COG5: variants seen among roughly 807,000 people sequenced by gnomAD.
COG5 encodes component of oligomeric golgi complex 5.
COG5 carries 86 observed loss-of-function variants against 110.4 expected under a neutral mutation model. The ratio of observed to expected loss-of-function variants is 0.78; its 90% confidence interval spans 0.65 to 0.93. The LOEUF is 0.93. Among genes scored for constraint, COG5 ranks in the 40% least tolerant of loss-of-function variants. The pLI, the probability that COG5 is intolerant of heterozygous loss-of-function variation, is 0.00. For missense variants in COG5, 1,077 were observed against 987.0 expected, an observed-to-expected ratio of 1.09 and a Z score of -1.22; for synonymous variants, 360 against 334.6, an observed-to-expected ratio of 1.08 and a Z score of -0.83.
In COG5 at chr7:107,283,650, T is replaced by C; in HGVS notation, c.1396A>G (p.Ile466Val). ...CCACCCGGGGGAAAAACCAAGTTGA[T>C]AGGATCGAAGAGTCGAGATAAGGAT... is the stretch of plus-strand genomic sequence containing the variant. ...SKSLSRLFDP[I>V]NLVFPPGGRN... Residue 466 changes from isoleucine to valine, a missense_variant, in exon 13 of 22, where the codon ATC becomes GTC. Physicochemically the swap from Ile to Val is conservative, Grantham distance 29. Coordinates refer to ENST00000297135, the MANE Select transcript of COG5 (RefSeq NM_006348.5). The C allele has an allele frequency of 3.7e-6, 6 of 1,613,756 alleles. No homozygotes were observed. Among genetic ancestry groups the C allele is most frequent in the Non-Finnish European group, 5.1e-6 (6 of 1,179,732 alleles).
At chr7:107,506,904 G>A (rs1290457365) in intron 6 of COG5, among the ~76,000 whole-genome samples, 3 of 152,220 alleles carry the variant, frequency 2.0e-5, no homozygotes, top group African/African-American at 7.2e-5. Context: ...ACCTGTGACT[G>A]CTTCCTGAGT....
In COG5 at chr7:107,203,314, T is replaced by G. The variant is rs765579393; in HGVS notation, c.*202A>C. On this transcript the variant is annotated 3_prime_UTR_variant, in exon 22 of 22. Transcript: ENST00000297135. ...CATCTTTCTGGAAAAATCAGGTCCA[T>G]GGAATTGAAAGGTGGTGATAACTCA... 13 of 587,370 alleles carry G rather than the reference T, an allele frequency of 2.2e-5. No individual in the cohort carries two copies. Among genetic ancestry groups the G allele is most frequent in the Non-Finnish European group, 3.3e-5 (11 of 329,904 alleles). 36.4% of individuals were successfully genotyped at this position (587,370 alleles called of 1,614,324 possible).
At chr7:107,497,587 G>T (rs1014834646) in intron 6 of COG5, among the ~76,000 whole-genome samples, 2 of 152,056 alleles carry the variant, frequency 1.3e-5, no homozygotes, top group African/African-American at 2.4e-5. Context: ...ACTTAAGTAA[G>T]AAAGTGAAAG....
intron 6 of COG5, among the ~76,000 whole-genome samples, chr7:107,460,076 A>G (rs1795896283): frequency 6.6e-6 from 1 of 152,144 alleles, no homozygotes; most frequent in Non-Finnish European, 1.5e-5. Flanking sequence ...ATAACAAAAA[A>G]TTTTGAAAAA....
At chr7:107,509,960 G>C (rs1799370675) in intron 6 of COG5, among the ~76,000 whole-genome samples, 2 of 152,260 alleles carry the variant, frequency 1.3e-5, no homozygotes, top group Non-Finnish European at 2.9e-5. Flanking sequence ...AAAATGTAAA[G>C]ACCATCAAGG....
chr7:107,412,581 T>A lies in COG5; in HGVS notation c.590A>T (p.Asp197Val), dbSNP rs759620888. ...DLSGIEVIEN[D>V]LLFIARARLE... ...TCGGGCTCTTGCAATAAAAAGTAGATCATTTTCTATCACTTCTATTCCAGA... is the reference window on the plus strand; with the variant it reads ...TCGGGCTCTTGCAATAAAAAGTAGAACATTTTCTATCACTTCTATTCCAGA... The change falls in exon 7 of 22, where the codon GAT becomes GTT. Residue 197 changes from aspartate (D) to valine (V), a missense_variant. By Grantham distance (152) the Asp-to-Val change is radical. Coordinates refer to ENST00000297135, the MANE Select transcript of COG5 (RefSeq NM_006348.5). The A allele has an allele frequency of 6.3e-7, 1 of 1,594,366 alleles. No homozygotes were observed. Among genetic ancestry groups the A allele is most frequent in the South Asian group, 1.1e-5 (1 of 90,692 alleles).
chr7:107,511,952 A>T (rs1799549927), intron 6 of COG5, among the ~76,000 whole-genome samples: 1 of 152,236 alleles, frequency 6.6e-6, no homozygotes, highest in Non-Finnish European at 1.5e-5. Flanking sequence ...CAGAATGGGC[A>T]AAAACTGGAA....
chr7:107,311,894 G>A (rs1205307043), intron 11 of COG5, among the ~76,000 whole-genome samples: 1 of 150,860 alleles, frequency 6.6e-6, no homozygotes, highest in African/African-American at 2.4e-5. Flanking sequence ...TTTCATCATT[G>A]CTTCTGGATG....
At chr7:107,311,370 A>T (rs1389407066) in intron 11 of COG5, among the ~76,000 whole-genome samples, 100 of 58,944 alleles carry the variant, frequency 1.7e-3, no homozygotes, top group South Asian at 4.7e-3. Flanking sequence ...GCGTATTTAC[A>T]TTTTTTTTTT....
intron 10 of COG5, among the ~76,000 whole-genome samples, chr7:107,329,702 G>C (rs934858077): frequency 6.6e-5 from 10 of 151,138 alleles, no homozygotes; most frequent in African/African-American, 2.4e-4. Flanking sequence ...GACCATCCTT[G>C]GCAACAGCGA....
At chr7:107,378,690 C>G (rs573147722) in intron 7 of COG5, among the ~76,000 whole-genome samples, 1 of 152,112 alleles carries the variant, frequency 6.6e-6, no homozygotes, top group African/African-American at 2.4e-5. Context: ...TGAAGATCAG[C>G]TCAATGAAAT....
At position 107,548,944 on chromosome 7, in the gene COG5, C is replaced by A. The variant is rs186544007; in HGVS notation, c.293-612G>T. Among the ~76,000 whole-genome samples, 344 of 152,240 alleles carry A rather than the reference C, an allele frequency of 2.3e-3. 2 individuals are homozygous for A. Among genetic ancestry groups the A allele is most frequent in the African/African-American group, 8.0e-3 (332 of 41,558 alleles). ...ATTTTGAATGCCATTCTTTAAAATT[C>A]AGTTTCTATATCCAACTGGCATAGT... On this transcript the variant is annotated intron_variant, in intron 3 of 21. Transcript: ENST00000297135.
chr7:107,289,401 A>G (rs1805970406), intron 12 of COG5, among the ~76,000 whole-genome samples: 1 of 151,998 alleles, frequency 6.6e-6, no homozygotes, highest in African/African-American at 2.4e-5. Flanking sequence ...AGGGATTAAA[A>G]TTGCTTTGTA....
rs539744898 is a variant in COG5 at position 107,480,841 on chromosome 7, A to C, written c.538+46396T>G. 2.0e-5 allele frequency: 3 copies of C among 152,318 alleles called. No homozygotes were observed. In the East Asian group the frequency reaches 5.8e-4, roughly 29 times the overall value. 9.4% of individuals were successfully genotyped at this position (152,318 alleles called of 1,614,324 possible). ...GCTTACCACTAATACAAAAGCCATAACTTTTAAGAAATACTCATTTTTTTC... is the reference window on the plus strand; with the variant it reads ...GCTTACCACTAATACAAAAGCCATACCTTTTAAGAAATACTCATTTTTTTC... On this transcript the variant is annotated intron_variant, in intron 6 of 21. Transcript: ENST00000297135.
intron 5 of COG5, among the ~76,000 whole-genome samples, chr7:107,537,415 A>G (rs1801663301): frequency 2.6e-5 from 4 of 152,208 alleles, no homozygotes; most frequent in South Asian, 2.1e-4. Context: ...AGCCATAAAA[A>G]AGAATGAGCT....
chr7:107,414,999 T>C (rs1792609894), intron 6 of COG5, among the ~76,000 whole-genome samples: 1 of 152,046 alleles, frequency 6.6e-6, no homozygotes, highest in African/African-American at 2.4e-5. Flanking sequence ...ATGCTGGGAT[T>C]ACAGGCGTGA....
chr7:107,420,317 A>G (rs1255631031), intron 6 of COG5, among the ~76,000 whole-genome samples: 1 of 152,078 alleles, frequency 6.6e-6, no homozygotes, highest in African/African-American at 2.4e-5. Flanking sequence ...TGTAGACCAT[A>G]AACAACTACA....
intron 7 of COG5, among the ~76,000 whole-genome samples, chr7:107,385,260 G>A (rs1429339420): frequency 6.6e-6 from 1 of 152,144 alleles, no homozygotes; most frequent in African/African-American, 2.4e-5. Context: ...AAGAGTTCAA[G>A]GTGTTCTGCC....
At chr7:107,352,647 T>TCAAAAGA (rs1812267608) in intron 10 of COG5, among the ~76,000 whole-genome samples, 1 of 152,180 alleles carries the variant, frequency 6.6e-6, no homozygotes, top group Non-Finnish European at 1.5e-5. Flanking sequence ...ATCCTAAATT[T>TCAAAAGA]TTGAGTTACA....
Sources: allele counts gnomAD v4.1 joint callset (sites outside exome capture counted in the v4.1 genomes callset), GRCh38; gene constraint gnomAD v4.1.1; transcripts MANE v1.5; gene names NCBI Gene and HGNC (gene_info 2026-07-23, HGNC 2026-07-21).